Variants in SWT1 observed in about 807,000 individuals in gnomAD.
SWT1 encodes transcriptional protein SWT1.
SWT1 carries 33 observed loss-of-function variants against 107.3 expected under a neutral mutation model. That is an observed-to-expected ratio of 0.31 (90% CI 0.23 to 0.41). The LOEUF is 0.41. Among genes scored for constraint, SWT1 ranks in the 10% least tolerant of loss-of-function variants. The probability of loss-of-function intolerance (pLI) is 1.00; values close to 1 mark genes in which losing one functional copy is unlikely to be tolerated. For synonymous variants in SWT1, 345 were observed against 348.3 expected (o/e 0.99, Z 0.11); for missense variants, 898 against 1,028.9 (o/e 0.87, Z 1.74).
rs114939611 is a variant in SWT1, at chr1:185,212,300, G to A, written c.1973-2207G>A. The stretch of plus-strand genomic sequence containing the variant: ...GTTGATCTTTTAAAAGAGAAAGTCC[G>A]TAAACTATGTGTGATCTCAAAGTTA... On this transcript the variant is annotated intron_variant, in intron 13 of 18. Transcript: ENST00000367500. 1.0e-3 allele frequency among the ~76,000 whole-genome samples: 157 copies of A among 152,256 alleles called. 2 individuals are homozygous for A. The highest frequency in any genetic ancestry group is 3.7e-3 in the African/African-American group (153 of 41,556).
At chr1:185,197,312 C>T (rs1657479514) in intron 10 of SWT1, among the ~76,000 whole-genome samples, 2 of 152,166 alleles carry the variant, frequency 1.3e-5, no homozygotes, top group African/African-American at 4.8e-5. Flanking sequence ...AGGGATGAAG[C>T]TGACTTGATC....
intron 16 of SWT1, among the ~76,000 whole-genome samples, chr1:185,257,113 C>G (rs1311716560): frequency 1.3e-5 from 2 of 152,064 alleles, no homozygotes; most frequent in Non-Finnish European, 2.9e-5. Context: ...TGTCAGGGAC[C>G]CACTTGAGGA....
At chr1:185,211,660 G>A (rs971907666) in intron 13 of SWT1, among the ~76,000 whole-genome samples, 2 of 152,168 alleles carry the variant, frequency 1.3e-5, no homozygotes, top group Admixed American at 1.3e-4. Context: ...ATTCCTCAGG[G>A]TTCTAGAACT....
chr1:185,243,690 C>T (rs1661403355), intron 16 of SWT1, among the ~76,000 whole-genome samples: 1 of 152,142 alleles, frequency 6.6e-6, no homozygotes, highest in Non-Finnish European at 1.5e-5. Context: ...TTAGAATCAA[C>T]ATATACACTT....
intron 4 of SWT1, 22 bp from the exon 5 acceptor site, chr1:185,174,350 A>C: frequency 6.6e-7 from 1 of 1,508,006 alleles, no homozygotes; most frequent in Non-Finnish European, 8.8e-7. Flanking sequence ...AATGTAACCT[A>C]GGTTTCTGTG....
intron 13 of SWT1, 118 bp from the exon 14 acceptor site, chr1:185,214,389 A>G (rs1659057610): frequency 1.6e-6 from 1 of 639,676 alleles, no homozygotes. Context: ...TAGGAGTGGC[A>G]TATAGGTATA....
At chr1:185,169,316 A>G (rs1418266719) in intron 4 of SWT1, among the ~76,000 whole-genome samples, 1 of 149,630 alleles carries the variant, frequency 6.7e-6, no homozygotes, top group African/African-American at 2.5e-5. Flanking sequence ...GTTCTAAAAC[A>G]CTATTTGACT....
intron 18 of SWT1, among the ~76,000 whole-genome samples, chr1:185,287,862 C>G (rs1665034778): frequency 6.6e-6 from 1 of 152,078 alleles, no homozygotes; most frequent in South Asian, 2.1e-4. Context: ...AATCCATTGT[C>G]CAGAATACTA....
chr1:185,223,090 GGTA>G (rs1237105578), intron 15 of SWT1, among the ~76,000 whole-genome samples: 2 of 152,106 alleles, frequency 1.3e-5, no homozygotes, highest in Non-Finnish European at 2.9e-5. Context: ...TGGATCATAC[GGTA>G]GTTCGGTTTT....
intron 16 of SWT1, among the ~76,000 whole-genome samples, chr1:185,246,024 TC>T (rs1038021630): frequency 6.6e-6 from 1 of 152,146 alleles, no homozygotes; most frequent in African/African-American, 2.4e-5. Context: ...CACCTCGGCC[TC>T]CCAAAGTGCT....
intron 7 of SWT1, 123 bp from the exon 8 acceptor site, chr1:185,184,120 G>A (rs1169834446): frequency 1.7e-6 from 1 of 573,358 alleles, no homozygotes. Context: ...CTCTGATACA[G>A]TTAACAAGAC....
At chr1:185,272,251 G>T (rs996887374) in intron 17 of SWT1, among the ~76,000 whole-genome samples, 4 of 152,198 alleles carry the variant, frequency 2.6e-5, no homozygotes, top group Non-Finnish European at 5.9e-5. Flanking sequence ...TAACCTGCAT[G>T]CTCTCCTCAT....
chr1:185,169,772 C>A (rs2102324943), intron 4 of SWT1, among the ~76,000 whole-genome samples: 1 of 151,674 alleles, frequency 6.6e-6, no homozygotes, highest in East Asian at 2.0e-4. Context: ...AACTTCAGCC[C>A]AGGATTAATT....
At chr1:185,244,447 C>T (rs1163480154) in intron 16 of SWT1, among the ~76,000 whole-genome samples, 1 of 151,740 alleles carries the variant, frequency 6.6e-6, no homozygotes, top group East Asian at 1.9e-4. Context: ...CCTAAACATA[C>T]GTAAACATAG....
chr1:185,270,615 G>A (rs561190270), intron 16 of SWT1, among the ~76,000 whole-genome samples: 1 of 152,200 alleles, frequency 6.6e-6, no homozygotes, highest in East Asian at 1.9e-4. Flanking sequence ...AGTCTGAGGT[G>A]GAAGGATTGC....
intron 1 of SWT1, among the ~76,000 whole-genome samples, chr1:185,157,846 T>C (rs1653756281): frequency 6.6e-6 from 1 of 152,070 alleles, no homozygotes; most frequent in African/African-American, 2.4e-5. Flanking sequence ...TTTTGATGCG[T>C]TTCAGATCCC....
At chr1:185,228,208 A>G (rs891954036) in intron 15 of SWT1, among the ~76,000 whole-genome samples, 1 of 141,224 alleles carries the variant, frequency 7.1e-6, no homozygotes, top group Non-Finnish European at 1.5e-5. Context: ...TATACTCAGT[A>G]TGTTTTTCTT....
At chr1:185,169,817 A>G (rs1346023996) in intron 4 of SWT1, among the ~76,000 whole-genome samples, 1 of 152,024 alleles carries the variant, frequency 6.6e-6, no homozygotes, top group African/African-American at 2.4e-5. Context: ...AAAAATTACT[A>G]CATGGGAACA....
Position 185,184,429 on chromosome 1 carries a change from G to A in SWT1, c.1240+85G>A, listed in dbSNP as rs974712248. Reference sequence around the variant, plus strand: ...AACAATGATGGGCTTTTTTTGCCATGAACATGTCTCCATTTAGATATGCTA... The same window carrying A: ...AACAATGATGGGCTTTTTTTGCCATAAACATGTCTCCATTTAGATATGCTA... On this transcript the variant is annotated intron_variant, in intron 8 of 18. Coordinates refer to ENST00000367500, the MANE Select transcript of SWT1 (RefSeq NM_017673.7). 4 of 803,000 alleles carry A rather than the reference G, an allele frequency of 5.0e-6. No individual in the cohort carries two copies. In the Admixed American group the frequency reaches 8.0e-5, roughly 16 times the overall value. 49.7% of individuals were successfully genotyped at this position (803,000 alleles called of 1,614,324 possible). A position where few individuals can be genotyped will look rare whatever the true frequency, so the allele number is the denominator to read the frequency against.
Sources: allele counts gnomAD v4.1 joint callset (sites outside exome capture counted in the v4.1 genomes callset), GRCh38; gene constraint gnomAD v4.1.1; transcripts MANE v1.5; gene names NCBI Gene and HGNC (gene_info 2026-07-23, HGNC 2026-07-21).